SLC14A2: variants seen among roughly 807,000 people sequenced by gnomAD.
SLC14A2 encodes urea transporter 2.
In SLC14A2, 91 loss-of-function variants were observed where a neutral mutation model predicts 104.6. That is an observed-to-expected ratio of 0.87 (90% confidence interval 0.73 to 1.04). The LOEUF is 1.04. Ranked by LOEUF, SLC14A2 falls within the 50% of genes least tolerant of loss-of-function variation. The probability of loss-of-function intolerance (pLI) is 0.00; values close to 1 mark genes in which losing one functional copy is unlikely to be tolerated. For synonymous variants in SLC14A2, 476 were observed against 466.4 expected (o/e 1.02, Z -0.27); for missense variants, 1,189 against 1,156.0 (o/e 1.03, Z -0.41).
rs534077408 is a variant in SLC14A2 at position 45,460,031 on chromosome 18, C to T, written c.-124-23202C>T. On this transcript the variant is annotated intron_variant, in intron 1 of 20. Coordinates refer to the SLC14A2 transcript ENST00000586448. ...TCTTTTTGGTCAGCACCCAATATCCCGGACTCTTCCAGCTTCCTTTAGTAC... is the reference window on the plus strand; with the variant it reads ...TCTTTTTGGTCAGCACCCAATATCCTGGACTCTTCCAGCTTCCTTTAGTAC... Among the ~76,000 whole-genome samples, 129 of 152,298 alleles carry T rather than the reference C, an allele frequency of 8.5e-4. 1 individual carries two copies. Among genetic ancestry groups the T allele is most frequent in the South Asian group, 1.0e-3 (5 of 4,834 alleles).
At chr18:45,501,958 A>T (rs1407610738) in intron 2 of SLC14A2, among the ~76,000 whole-genome samples, 1 of 152,222 alleles carries the variant, frequency 6.6e-6, no homozygotes, top group Admixed American at 6.5e-5. Context: ...CTCTTGAGAA[A>T]AGTATAAGCT....
intron 1 of SLC14A2, among the ~76,000 whole-genome samples, chr18:45,244,409 G>A (rs1043553283): frequency 6.6e-6 from 1 of 152,044 alleles, no homozygotes; most frequent in African/African-American, 2.4e-5. Context: ...GGCGGATCAC[G>A]TGAGGTCAGG....
At chr18:45,506,979 A>G (rs2043296693) in intron 2 of SLC14A2, among the ~76,000 whole-genome samples, 3 of 152,316 alleles carry the variant, frequency 2.0e-5, no homozygotes, top group East Asian at 1.9e-4. Context: ...CTCACCAGCT[A>G]TATACCCTGG....
chr18:45,308,580 C>G (rs1378817588), intron 1 of SLC14A2, among the ~76,000 whole-genome samples: 1 of 152,152 alleles, frequency 6.6e-6, no homozygotes, highest in African/African-American at 2.4e-5. Flanking sequence ...TCCCCTCGTT[C>G]ACAATTTGCC....
At chr18:45,643,947 C>T in intron 9 of SLC14A2, 39 bp from the exon 10 acceptor site, 3 of 1,594,046 alleles carry the variant, frequency 1.9e-6, no homozygotes, top group Non-Finnish European at 2.6e-6. Context: ...ACACAGGAAA[C>T]TAGGAAACTT....
Position 45,215,632 on chromosome 18 carries a change from T to A in SLC14A2, c.-125+2441T>A, listed in dbSNP as rs183793747. 5.3e-3 allele frequency among the ~76,000 whole-genome samples: 810 copies of A among 152,360 alleles called. 7 individuals carry two copies. Among genetic ancestry groups the A allele is most frequent in the Non-Finnish European group, 8.5e-3 (578 of 68,028 alleles). On this transcript the variant is annotated intron_variant, in intron 1 of 20. Coordinates refer to the SLC14A2 transcript ENST00000586448. Reference sequence around the variant, plus strand: ...GGGGTTTTCTTCCATAGGAGAGAGATGCTCAAACATTTTTGAAGATTGAAA... The same window carrying A: ...GGGGTTTTCTTCCATAGGAGAGAGAAGCTCAAACATTTTTGAAGATTGAAA...
At position 45,683,249 on chromosome 18, in the gene SLC14A2, A is replaced by T. The variant is rs2046339963; in HGVS notation, c.*730A>T. 1 of 152,208 alleles carries T rather than the reference A, an allele frequency of 6.6e-6. No individual in the cohort carries two copies. Among genetic ancestry groups the T allele is most frequent in the South Asian group, 2.1e-4 (1 of 4,832 alleles). 9.4% of individuals were successfully genotyped at this position (152,208 alleles called of 1,614,324 possible). On this transcript the variant is annotated 3_prime_UTR_variant, in exon 20 of 20. Coordinates refer to ENST00000255226, the MANE Select transcript of SLC14A2 (RefSeq NM_007163.4). ...TTGGTTCTGCCCCAGCTCTGCTGCT[A>T]ATGAGCCCCTACCAGGTTGAGCAAG...
the SLC14A2 span, among the ~76,000 whole-genome samples, chr18:45,202,755 A>G: frequency 4.6e-5 from 7 of 152,204 alleles, no homozygotes; most frequent in South Asian, 1.0e-3. Flanking sequence ...CCTGAGTTTC[A>G]TCATAAAGTA....
intron 1 of SLC14A2, among the ~76,000 whole-genome samples, chr18:45,220,964 A>C (rs1245523749): frequency 1.3e-5 from 2 of 152,054 alleles, no homozygotes; most frequent in Non-Finnish European, 2.9e-5. Context: ...TCTGTGCCCA[A>C]ACTTCTTCTT....
chr18:45,368,439 C>T (rs1016443429), intron 1 of SLC14A2, among the ~76,000 whole-genome samples: 2 of 152,146 alleles, frequency 1.3e-5, no homozygotes, highest in Non-Finnish European at 2.9e-5. Context: ...TGGGCATAAG[C>T]CACCAGGAGT....
intron 1 of SLC14A2, among the ~76,000 whole-genome samples, chr18:45,378,164 C>T (rs2085795538): frequency 6.6e-6 from 1 of 152,204 alleles, no homozygotes; most frequent in African/African-American, 2.4e-5. Context: ...CTACAGTAAG[C>T]TCCTAAGGCT....
intron 2 of SLC14A2, among the ~76,000 whole-genome samples, chr18:45,559,080 C>T (rs1183634418): frequency 1.3e-5 from 2 of 152,140 alleles, no homozygotes; most frequent in East Asian, 3.9e-4. Context: ...TGAGCCACTG[C>T]ACCTGGCCCC....
chr18:45,662,955 G>A (rs1484039485), intron 10 of SLC14A2, among the ~76,000 whole-genome samples: 2 of 152,130 alleles, frequency 1.3e-5, no homozygotes, highest in Non-Finnish European at 2.9e-5. Context: ...GTCAGTTCTT[G>A]ATCCACACAT....
intron 1 of SLC14A2, among the ~76,000 whole-genome samples, chr18:45,475,658 T>TATTTAGG (rs1568227993): frequency 5.7e-4 from 51 of 89,928 alleles, no homozygotes; most frequent in African/African-American, 2.1e-3. Flanking sequence ...TATATATATA[T>TATTTAGG]ATATATATAT....
At chr18:45,464,095 C>T (rs1029719714) in intron 1 of SLC14A2, among the ~76,000 whole-genome samples, 3 of 152,224 alleles carry the variant, frequency 2.0e-5, no homozygotes, top group Admixed American at 6.5e-5. Context: ...TTCCTGGAAG[C>T]TCAGTTTCCT....
intron 1 of SLC14A2, among the ~76,000 whole-genome samples, chr18:45,256,191 G>A (rs2084476387): frequency 6.6e-6 from 1 of 152,088 alleles, no homozygotes. Context: ...AGACGGTAGA[G>A]GAAAGAGGAG....
chr18:45,558,252 G>A (rs1169992632), intron 2 of SLC14A2, among the ~76,000 whole-genome samples: 3 of 152,078 alleles, frequency 2.0e-5, no homozygotes, highest in Non-Finnish European at 4.4e-5. Flanking sequence ...CCTTATTGTA[G>A]ACCCCTAAGG....
chr18:45,232,139 C>T (rs978520157), intron 1 of SLC14A2, among the ~76,000 whole-genome samples: 4 of 152,026 alleles, frequency 2.6e-5, no homozygotes, highest in Admixed American at 6.5e-5. Flanking sequence ...AAGAACTACC[C>T]GAGACTGGGC....
chr18:45,211,589 ACT>A (rs1425825368), upstream of SLC14A2, among the ~76,000 whole-genome samples: 1 of 150,136 alleles, frequency 6.7e-6, no homozygotes, highest in Non-Finnish European at 1.5e-5. Context: ...CCTCCTTCTT[ACT>A]CTCCTTCTCT....
Sources: allele counts gnomAD v4.1 joint callset (sites outside exome capture counted in the v4.1 genomes callset), GRCh38; gene constraint gnomAD v4.1.1; transcripts MANE v1.5; gene names NCBI Gene and HGNC (gene_info 2026-07-23, HGNC 2026-07-21).